Variants in MOSPD2 observed in about 807,000 individuals in gnomAD.
MOSPD2 encodes the protein motile sperm domain containing 2.
A neutral mutation model predicts 41.7 loss-of-function variants in MOSPD2; 5 were observed. The ratio of observed to expected loss-of-function variants is 0.12; its 90% CI spans 0.06 to 0.25. The LOEUF is 0.25. Among genes scored for constraint, MOSPD2 ranks in the 10% least tolerant of loss-of-function variants. The pLI is 1.00. For missense variants in MOSPD2, 282 were observed against 375.2 expected (o/e 0.75, Z 2.05); for synonymous variants, 115 against 126.9 (o/e 0.91, Z 0.63).
At chrX:14,891,069 T>C (rs900526079) in intron 2 of MOSPD2, among the ~76,000 whole-genome samples, 54 of 112,455 alleles carry the variant, frequency 4.8e-4, no homozygotes, top group African/African-American at 1.7e-3. Context: ...TATCTGTCTC[T>C]ACTGTCTATT....
At chrX:14,885,008 C>T (rs2147481449) in intron 2 of MOSPD2, among the ~76,000 whole-genome samples, 1 of 111,520 alleles carries the variant, frequency 9.0e-6, no homozygotes, top group East Asian at 2.8e-4. Flanking sequence ...AACCCTCTTT[C>T]AGAAATAGAA....
Position 14,918,779 on chromosome X carries a change from A to G in MOSPD2, c.1416A>G (p.Leu472=). 1 of 1,112,136 alleles carries G rather than the reference A, an allele frequency of 9.0e-7. No homozygotes were observed. Among genetic ancestry groups the G allele is most frequent in the Non-Finnish European group, 1.2e-6 (1 of 808,281 alleles). The allele number at this position is 1,112,136 out of a possible 1,213,427, so 91.7% of individuals were successfully genotyped here. A position where few individuals can be genotyped will look rare whatever the true frequency, so the allele number is the denominator to read the frequency against. The change falls in exon 14 of 15, where the codon CTA becomes CTG. Residue 472 remains leucine, a synonymous_variant. Coordinates refer to ENST00000380492, the MANE Select transcript of MOSPD2 (RefSeq NM_152581.4). The stretch of plus-strand genomic sequence containing the variant: ...ATAAAACCAGTGAAGATATATGTCT[A>G]CAAGTAAGTATACTTTCTTCCTACC... ...MSDKTSEDIC[L]QLSRLLESNR...
Position 14,918,724 on chromosome X carries a change from C to T in MOSPD2, c.1361C>T (p.Thr454Met), listed in dbSNP as rs772206668. ...TVESSKPNTL[T>M]LKDNAFNMSD... ...GAAAGCAGTAAACCAAACACTCTTA[C>T]GTTAAAAGACAATGCTTTCAATATG... The change falls in exon 14 of 15, where the codon ACG becomes ATG. Residue 454 changes from threonine to methionine, a missense_variant. Thr to Met is a moderately conservative substitution (Grantham distance 81). Around this residue, in one of 3 missense-constraint regions of MOSPD2, gnomAD observed 94 missense variants for 102.1 expected, o/e 0.92. Transcript: ENST00000380492. 2.5e-6 allele frequency: 3 copies of T among 1,201,696 alleles called. No individual in the cohort carries two copies. Among genetic ancestry groups the T allele is most frequent in the East Asian group, 3.0e-5 (1 of 33,741 alleles).
At position 14,873,435 on chromosome X, in the gene MOSPD2, A is replaced by G. The variant is rs758780702; in HGVS notation, c.-94A>G. 2 of 1,162,475 alleles carry G rather than the reference A, an allele frequency of 1.7e-6. No individual in the cohort carries two copies. Among genetic ancestry groups the G allele is most frequent in the South Asian group, 1.8e-5 (1 of 55,333 alleles). On this transcript the variant is annotated 5_prime_UTR_variant, in exon 1 of 15. Coordinates refer to ENST00000380492, the MANE Select transcript of MOSPD2 (RefSeq NM_152581.4). ...CTCCCCCTCCCACCCTTCTCTGTCT[A>G]CCTCTGGGCGGGACTGCCGGGTGAT...
At chrX:14,901,422 T>C (rs1366962954) in intron 6 of MOSPD2, among the ~76,000 whole-genome samples, 1 of 111,467 alleles carries the variant, frequency 9.0e-6, no homozygotes, top group Non-Finnish European at 1.9e-5. Flanking sequence ...ATTGGGTCTT[T>C]TGGGACTCGT....
intron 2 of MOSPD2, among the ~76,000 whole-genome samples, chrX:14,887,270 A>G (rs941160949): frequency 2.7e-5 from 3 of 112,625 alleles, no homozygotes; most frequent in Admixed American, 9.4e-5. Flanking sequence ...TGTAACAACA[A>G]TGTACTTCCA....
At chrX:14,873,632 G>T in intron 1 of MOSPD2, 57 bp from the exon 2 acceptor site, 1 of 1,200,921 alleles carries the variant, frequency 8.3e-7, no homozygotes, top group Non-Finnish European at 1.1e-6. Context: ...GGGCTGGGTT[G>T]AGGGTAAGCG....
Position 14,873,470 on chromosome X carries a change from G to A in MOSPD2, c.-59G>A. 1 of 1,209,232 alleles carries A rather than the reference G, an allele frequency of 8.3e-7. No individual in the cohort carries two copies. Among genetic ancestry groups the A allele is most frequent in the Non-Finnish European group, 1.1e-6 (1 of 893,205 alleles). On this transcript the variant is annotated 5_prime_UTR_variant, in exon 1 of 15. Transcript: ENST00000380492. ...GGGACTGCCGGGTGATGAGATACTC[G>A]GTCGGCGACGGTAGAACGGGCGACG...
chrX:14,916,326 G>A lies in MOSPD2; in HGVS notation c.1316G>A (p.Arg439Lys). 1 of 1,209,669 alleles carries A rather than the reference G, an allele frequency of 8.3e-7. No individual in the cohort carries two copies. Reference protein sequence around the residue: ...EVPRNKVMEHRLRCHTVESSK... With the variant: ...EVPRNKVMEHKLRCHTVESSK... ...CCCAGAAACAAAGTGATGGAACATA[G>A]GTAAGCTTTTCCCTCACATTCTTCT... is the stretch of plus-strand genomic sequence containing the variant. The change falls in exon 13 of 15, where the codon AGG (arginine) becomes AAG (lysine). Residue 439 changes from arginine (R) to lysine (K), a missense_variant and splice_region_variant. Physicochemically the swap from Arg to Lys is conservative, Grantham distance 26 (BLOSUM62 2). Transcript: ENST00000380492.
At chrX:14,873,570 C>T in intron 1 of MOSPD2, 33 bp downstream of exon 1, 2 of 1,211,602 alleles carry the variant, frequency 1.7e-6, no homozygotes, top group Non-Finnish European at 2.2e-6. Context: ...GCTGGCCCCC[C>T]GGACCCGGAA....
intron 2 of MOSPD2, among the ~76,000 whole-genome samples, chrX:14,882,525 G>A (rs2092533290): frequency 8.9e-6 from 1 of 111,834 alleles, no homozygotes; most frequent in Non-Finnish European, 1.9e-5. Flanking sequence ...AAATAAGTAT[G>A]TGAAGTAATG....
In MOSPD2 at chrX:14,916,203, C is replaced by T; in HGVS notation, c.1193C>T (p.Thr398Ile). The T allele has an allele frequency of 8.3e-7, 1 of 1,211,643 alleles. No homozygotes were observed. The change falls in exon 13 of 15, where the codon ACA becomes ATA. Residue 398 changes from threonine (T) to isoleucine (I), a missense_variant. Around this residue, in one of 3 missense-constraint regions of MOSPD2, gnomAD observed 94 missense variants for 102.1 expected, o/e 0.92. Coordinates refer to ENST00000380492, the MANE Select transcript of MOSPD2 (RefSeq NM_152581.4). ...DIVVSPHGGL[T>I]VSAQDRFLIM... Reference sequence around the variant, plus strand: ...TTACCCTTTTGGAATGCAGGTTTAACAGTCTCTGCCCAAGACCGTTTTCTG... The same window carrying T: ...TTACCCTTTTGGAATGCAGGTTTAATAGTCTCTGCCCAAGACCGTTTTCTG...
At chrX:14,915,947 G>A (rs1346916681) in intron 12 of MOSPD2, among the ~76,000 whole-genome samples, 183 bp downstream of exon 12, 1 of 112,608 alleles carries the variant, frequency 8.9e-6, no homozygotes, top group Non-Finnish European at 1.9e-5. Context: ...GGTCAAAGAG[G>A]TCTCTAAAGC....
chrX:14,881,146 G>T (rs1220795661), intron 2 of MOSPD2, among the ~76,000 whole-genome samples: 1 of 109,644 alleles, frequency 9.1e-6, no homozygotes, highest in Non-Finnish European at 1.9e-5. Context: ...GGTCATTATT[G>T]TTTCATCTAA....
intron 2 of MOSPD2, among the ~76,000 whole-genome samples, chrX:14,890,720 C>T (rs1165873235): frequency 9.0e-6 from 1 of 111,504 alleles, no homozygotes; most frequent in Non-Finnish European, 1.9e-5. Context: ...GAAATTGAGA[C>T]TCAAAGAAGA....
intron 6 of MOSPD2, among the ~76,000 whole-genome samples, chrX:14,902,738 C>T (rs1001822126): frequency 4.5e-5 from 5 of 111,865 alleles, no homozygotes; most frequent in Non-Finnish European, 9.4e-5. Flanking sequence ...TATTGATTTC[C>T]CACAAGTCTT....
intron 2 of MOSPD2, among the ~76,000 whole-genome samples, chrX:14,876,893 CTAGTT>C (rs1254752026): frequency 2.7e-5 from 3 of 111,814 alleles, no homozygotes; most frequent in Non-Finnish European, 5.6e-5. Context: ...GCTGGGGTGA[CTAGTT>C]TAGCACAGAG....
chrX:14,901,835 C>A (rs181150777), intron 6 of MOSPD2, among the ~76,000 whole-genome samples: 30 of 110,213 alleles, frequency 2.7e-4, no homozygotes, highest in African/African-American at 9.9e-4. Flanking sequence ...TTGTGAAGAG[C>A]CACTTATCAG....
intron 3 of MOSPD2, 37 bp downstream of exon 3, chrX:14,892,915 C>G (rs1292931108): frequency 9.6e-7 from 1 of 1,043,318 alleles, no homozygotes; most frequent in East Asian, 3.0e-5. Context: ...GTAATATATA[C>G]TGTATAAATG....
Sources: gnomAD v4.1 joint callset for allele counts (sites outside exome capture counted in the v4.1 genomes callset) on GRCh38, gnomAD v4.1.1 for gene constraint, gnomAD v4.1.1 regional missense constraint, MANE v1.5 for transcripts, NCBI Gene and HGNC (gene_info 2026-07-23, HGNC 2026-07-21) for gene names.